Variants in WDFY4 observed in about 807,000 individuals in gnomAD.
WDFY4 encodes WDFY family member 4, also known as WD repeat- and FYVE domain-containing protein 4.
A neutral mutation model predicts 351.9 loss-of-function variants in WDFY4; 169 were observed. The observed-to-expected ratio is 0.48, with a 90% CI of 0.42 to 0.55. The LOEUF (loss-of-function observed/expected upper bound fraction) is 0.55. Among genes scored for constraint, WDFY4 ranks in the 20% least tolerant of loss-of-function variants. The pLI, the probability that WDFY4 is intolerant of heterozygous loss-of-function variation, is 0.00. For synonymous variants in WDFY4, 1,622 were observed against 1,574.6 expected, an observed-to-expected ratio of 1.03 and a Z score of -0.71; for missense variants, 3,803 against 3,935.6, an observed-to-expected ratio of 0.97 and a Z score of 0.90.
chr10:48,862,683 A>G (rs1488461937), intron 39 of WDFY4, among the ~76,000 whole-genome samples: 1 of 152,212 alleles, frequency 6.6e-6, no homozygotes, highest in South Asian at 2.1e-4. Flanking sequence ...TCCTGAAACC[A>G]TCTTCCTCCA....
chr10:48,970,423 T>C, intron 57 of WDFY4, 134 bp downstream of exon 57: 2 of 1,244,808 alleles, frequency 1.6e-6, no homozygotes, highest in Admixed American at 2.7e-5. Flanking sequence ...CTGAGGGCCC[T>C]GCCACCCTCA....
chr10:48,850,915 A>G (rs2068936969), intron 39 of WDFY4, among the ~76,000 whole-genome samples: 2 of 152,256 alleles, frequency 1.3e-5, no homozygotes, highest in Non-Finnish European at 2.9e-5. Context: ...GACAAACAAT[A>G]CTAATGGCCA....
At chr10:48,843,324 T>A (rs543523083) in intron 39 of WDFY4, among the ~76,000 whole-genome samples, 14 of 152,184 alleles carry the variant, frequency 9.2e-5, no homozygotes, top group Non-Finnish European at 2.1e-4. Flanking sequence ...GAGGAAAAAA[T>A]TGAGTAATAC....
At chr10:48,700,641 G>A (rs774827364) in intron 1 of WDFY4, among the ~76,000 whole-genome samples, 2 of 152,230 alleles carry the variant, frequency 1.3e-5, no homozygotes, top group African/African-American at 2.4e-5. Flanking sequence ...GGGATGCTGC[G>A]CAAACGCACC....
rs541690928 is a variant in WDFY4 at position 48,945,953 on chromosome 10, T to C, written c.7750-87T>C. 1.2e-5 allele frequency: 11 copies of C among 933,362 alleles called. No homozygotes were observed. In the African/African-American group the frequency reaches 1.9e-4, roughly 16 times the overall value. 57.8% of individuals were successfully genotyped at this position (933,362 alleles called of 1,614,324 possible). A position where few individuals can be genotyped will look rare whatever the true frequency, so the allele number is the denominator to read the frequency against. The stretch of plus-strand genomic sequence containing the variant: ...GTCAGACCAAATGACTGTAAATCAA[T>C]AAAGAGAACCATAAAACTCAAGAGC... On this transcript the variant is annotated intron_variant, in intron 49 of 61. Coordinates refer to ENST00000325239, the MANE Select transcript of WDFY4 (RefSeq NM_001394531.1).
At chr10:48,930,260 G>A (rs1179017306) in intron 47 of WDFY4, among the ~76,000 whole-genome samples, 3 of 152,190 alleles carry the variant, frequency 2.0e-5, no homozygotes, top group African/African-American at 7.2e-5. Context: ...TACATGTACT[G>A]TTGAAGGATT....
rs2064919870 is a variant in WDFY4 at position 48,743,513 on chromosome 10, A to G, written c.2424A>G (p.Gln808=). The G allele has an allele frequency of 1.3e-6, 2 of 1,539,362 alleles. No homozygotes were observed. The highest frequency in any genetic ancestry group is 1.2e-5 in the South Asian group (1 of 84,046). ...VQKGETGSDP[Q]RNFKQWPDLE... Reference sequence around the variant, plus strand: ...AGGGAGAAACTGGCAGTGACCCCCAACGCAACTTCAAGCAGTGGCCAGACC... The same window carrying G: ...AGGGAGAAACTGGCAGTGACCCCCAGCGCAACTTCAAGCAGTGGCCAGACC... The change falls in exon 12 of 62, where the codon CAA becomes CAG. Residue 808 remains glutamine, a synonymous_variant. Coordinates refer to ENST00000325239, the MANE Select transcript of WDFY4 (RefSeq NM_001394531.1).
chr10:48,928,232 C>T (rs1277094244), intron 47 of WDFY4, among the ~76,000 whole-genome samples: 5 of 152,172 alleles, frequency 3.3e-5, no homozygotes, highest in African/African-American at 1.2e-4. Context: ...TCCCCATGAC[C>T]CTGGATGGTC....
chr10:48,709,605 G>C, intron 1 of WDFY4, 111 bp from the exon 2 acceptor site: 2 of 913,092 alleles, frequency 2.2e-6, no homozygotes, highest in Non-Finnish European at 3.3e-6. Context: ...ATTCTTAGGG[G>C]AACCATTTTC....
chr10:48,784,217 T>G (rs1411032481), intron 19 of WDFY4, among the ~76,000 whole-genome samples: 1 of 152,242 alleles, frequency 6.6e-6, no homozygotes, highest in Non-Finnish European at 1.5e-5. Context: ...AGAGTTCAAT[T>G]GCTGGTTTCT....
intron 39 of WDFY4, among the ~76,000 whole-genome samples, chr10:48,842,415 GC>G (rs2068638536): frequency 6.6e-6 from 1 of 152,086 alleles, no homozygotes; most frequent in Non-Finnish European, 1.5e-5. Context: ...GACAGCAGTC[GC>G]CAGGTGTGTC....
intron 12 of WDFY4, chr10:48,745,498 C>A (rs1393446492): frequency 3.8e-6 from 1 of 262,252 alleles, no homozygotes; most frequent in African/African-American, 2.3e-5. Flanking sequence ...CTTGAAATAT[C>A]AGCTTTTTGT....
Position 48,941,862 on chromosome 10 carries a change from T to A in WDFY4, c.7629+14T>A. On this transcript the variant is annotated intron_variant, in intron 48 of 61. Coordinates refer to ENST00000325239, the MANE Select transcript of WDFY4 (RefSeq NM_001394531.1). ...CAGAAGTGGCAGGTACAGTAGCTCC[T>A]CCAGAGGGAAGCCCTCTGGGAATGC... 9 of 1,551,532 alleles carry A rather than the reference T, an allele frequency of 5.8e-6. No individual in the cohort carries two copies. The highest frequency in any genetic ancestry group is 7.0e-6 in the Non-Finnish European group (8 of 1,146,914).
At chr10:48,974,527 A>AAAAAAAAAC in intron 57 of WDFY4, among the ~76,000 whole-genome samples, 11 of 23,196 alleles carry the variant, frequency 4.7e-4, no homozygotes, top group African/African-American at 7.2e-4. Context: ...AAAAAAAAAA[A>AAAAAAAAAC]AACAACTCAT....
At chr10:48,982,428 A>C in intron 61 of WDFY4, 81 bp from the exon 62 acceptor site, 5 of 1,259,142 alleles carry the variant, frequency 4.0e-6, no homozygotes, top group African/African-American at 1.5e-5. Flanking sequence ...ATAGAGCCCC[A>C]GAGTTGCAAT....
chr10:48,926,641 T>A (rs183357174), intron 47 of WDFY4, among the ~76,000 whole-genome samples: 72 of 152,318 alleles, frequency 4.7e-4, no homozygotes, highest in African/African-American at 1.6e-3. Flanking sequence ...GGCCAATATG[T>A]AGGATGTTCA....
In WDFY4 at chr10:48,947,088, TC is replaced by T. The variant is rs1841085026; in HGVS notation, c.7977+120del. The T allele has an allele frequency of 3.2e-5, 26 of 810,358 alleles. 2 individuals carry two copies. The South Asian group carries it at 4.7e-4, about 15-fold the overall frequency. 50.2% of individuals were successfully genotyped at this position (810,358 alleles called of 1,614,324 possible). On this transcript the variant is annotated intron_variant, in intron 51 of 61. Transcript: ENST00000325239. ...CAGGATGCCTCTGCTAAAAACTCAG[TC>T]ATTAGCCAGTGATTCCCAGTTGACA...
At chr10:48,768,373 G>T (rs376362876) in intron 13 of WDFY4, among the ~76,000 whole-genome samples, 2 of 152,198 alleles carry the variant, frequency 1.3e-5, no homozygotes, top group South Asian at 4.2e-4. Context: ...CAGGGCACCC[G>T]AGGGCCCGAA....
At chr10:48,787,809 CTT>C (rs761112117) in intron 20 of WDFY4, among the ~76,000 whole-genome samples, 12,083 of 90,348 alleles carry the variant, frequency 0.13, 1,524 homozygotes, top group African/African-American at 0.17. Context: ...TCCTCCTCCT[CTT>C]CTTCTTCTTC....
Sources: gnomAD v4.1 joint callset for allele counts (sites outside exome capture counted in the v4.1 genomes callset) on GRCh38, gnomAD v4.1.1 for gene constraint, MANE v1.5 for transcripts, NCBI Gene and HGNC (gene_info 2026-07-23, HGNC 2026-07-21) for gene names.